Variants in PDE8B observed in about 807,000 individuals in gnomAD.
PDE8B encodes the protein high affinity cAMP-specific and IBMX-insensitive 3',5'-cyclic phosphodiesterase 8B.
Under a neutral mutation model 101.3 loss-of-function variants are expected in PDE8B, and 26 were observed. That is an observed-to-expected ratio of 0.26 (90% confidence interval 0.19 to 0.36). The LOEUF (loss-of-function observed/expected upper bound fraction) is 0.36, where lower values mean the gene tolerates loss of function less well. Among genes scored for constraint, PDE8B ranks in the 10% least tolerant of loss-of-function variants. PDE8B has a pLI of 1.00. For missense variants in PDE8B, 810 were observed against 1,163.1 expected, an observed-to-expected ratio of 0.70 and a Z score of 4.42; for synonymous variants, 424 against 429.3, an observed-to-expected ratio of 0.99 and a Z score of 0.15.
chr5:77,311,812 A>C (rs928404577), intron 1 of PDE8B, among the ~76,000 whole-genome samples, 182 bp from the exon 2 acceptor site: 2 of 142,224 alleles, frequency 1.4e-5, no homozygotes, highest in Non-Finnish European at 3.1e-5. Flanking sequence ...CTTTTTTTTT[A>C]ATACAAAAAC....
At chr5:77,350,925 C>T in intron 8 of PDE8B, 140 bp from the exon 9 acceptor site, 1 of 728,272 alleles carries the variant, frequency 1.4e-6, no homozygotes, top group Non-Finnish European at 2.5e-6. Flanking sequence ...CAGCATTGCA[C>T]TGGGTACAAC....
the PDE8B span, chr5:77,115,013 A>C: frequency 6.6e-6 from 1 of 152,194 alleles, no homozygotes; most frequent in Non-Finnish European, 1.5e-5. Context: ...AAAGAAAAAA[A>C]AAGAGTTGTT....
chr5:77,211,090 G>A lies in PDE8B; in HGVS notation c.165G>A (p.Pro55=), dbSNP rs1748222395. 1.3e-6 allele frequency: 2 copies of A among 1,495,006 alleles called. No homozygotes were observed. Among genetic ancestry groups the A allele is most frequent in the Non-Finnish European group, 8.9e-7 (1 of 1,129,246 alleles). The allele number at this position is 1,495,006 out of a possible 1,614,324, so 92.6% of individuals were successfully genotyped here. A position where few individuals can be genotyped will look rare whatever the true frequency, so the allele number is the denominator to read the frequency against. Residue 55 remains proline (P), a synonymous_variant, in exon 1 of 22, where the codon CCG becomes CCA. Coordinates refer to ENST00000264917, the MANE Select transcript of PDE8B (RefSeq NM_003719.5). This position sits in a 1 kb window ranked among gnomAD's most constrained non-coding sequence, Gnocchi z 4.1. ...CCGACGCCGCCGACGCCATCCCCCC[G>A]AGCCGCGCGTCGGGACCCCCCAGCG... is the stretch of plus-strand genomic sequence containing the variant. The part of the protein sequence containing the change: ...VQTDAADAIP[P]SRASGPPSVA...
chr5:77,317,203 T>C (rs1773947366), intron 2 of PDE8B, among the ~76,000 whole-genome samples: 1 of 152,232 alleles, frequency 6.6e-6, no homozygotes, highest in African/African-American at 2.4e-5. Context: ...TTATGCTTCT[T>C]CTACTAACAT....
At chr5:77,291,762 A>T in intron 1 of PDE8B, 1 of 1,582,568 alleles carries the variant, frequency 6.3e-7, no homozygotes, top group Non-Finnish European at 8.7e-7. Flanking sequence ...TATCAACTAC[A>T]GTAAAGACTT....
At chr5:77,145,271 CT>C in the PDE8B span, 1 of 152,126 alleles carries the variant, frequency 6.6e-6, no homozygotes, top group Non-Finnish European at 1.5e-5. Context: ...CACCTGGTTT[CT>C]TCTTGGTGCT....
At chr5:77,225,284 A>T (rs942377616) in intron 1 of PDE8B, among the ~76,000 whole-genome samples, 3 of 152,234 alleles carry the variant, frequency 2.0e-5, no homozygotes, top group Non-Finnish European at 4.4e-5. Context: ...GCATCCTCCA[A>T]AGGTAACCAG....
Position 77,386,865 on chromosome 5 carries a change from C to CTTTTT in PDE8B, c.1168-13358_1168-13354dup, listed in dbSNP as rs59393259. Among the ~76,000 whole-genome samples, 62 of 51,086 alleles carry CTTTTT rather than the reference C, an allele frequency of 1.2e-3. 8 individuals carry two copies. Among genetic ancestry groups the CTTTTT allele is most frequent in the African/African-American group, 2.6e-3 (28 of 10,756 alleles). 33.5% of individuals were successfully genotyped at this position (51,086 alleles called of 152,430 possible). A position where few individuals can be genotyped will look rare whatever the true frequency, so the allele number is the denominator to read the frequency against. On this transcript the variant is annotated intron_variant, in intron 10 of 21. Transcript: ENST00000264917. The stretch of plus-strand genomic sequence containing the variant: ...TTTTGCCTGTTAGTTGATGTAGTTT[C>CTTTTT]TTTTTTTTTTTTTTTTTTTTTTTTT...
At chr5:77,213,365 G>A (rs1263690765) in intron 1 of PDE8B, among the ~76,000 whole-genome samples, 1 of 136,170 alleles carries the variant, frequency 7.3e-6, no homozygotes, top group African/African-American at 2.7e-5. Flanking sequence ...TATATTTGAA[G>A]TGAAATTTGA....
intron 1 of PDE8B, among the ~76,000 whole-genome samples, chr5:77,253,482 T>A (rs1394081052): frequency 3.3e-5 from 5 of 152,230 alleles, no homozygotes; most frequent in Non-Finnish European, 7.4e-5. Flanking sequence ...TATTAACATT[T>A]GTATTCTGCT....
At chr5:77,370,513 C>A (rs574340116) in intron 10 of PDE8B, among the ~76,000 whole-genome samples, 1 of 152,166 alleles carries the variant, frequency 6.6e-6, no homozygotes, top group South Asian at 2.1e-4. Flanking sequence ...CTGCTGAGCA[C>A]TGTTCTATTG....
chr5:77,342,601 T>C (rs1457339896), intron 6 of PDE8B, among the ~76,000 whole-genome samples: 1 of 152,200 alleles, frequency 6.6e-6, no homozygotes, highest in East Asian at 1.9e-4. Flanking sequence ...TTTATTGGGA[T>C]TCTTTAAACA....
At chr5:77,291,355 A>G in intron 1 of PDE8B, 1 of 1,612,206 alleles carries the variant, frequency 6.2e-7, no homozygotes, top group Admixed American at 1.7e-5. Flanking sequence ...GCAAAGAAAG[A>G]AGGTAGCACA....
chr5:77,114,993 A>T, the PDE8B span: 2 of 152,098 alleles, frequency 1.3e-5, no homozygotes, highest in African/African-American at 4.8e-5. Context: ...AGTATATTTA[A>T]CAATTATATA....
At position 77,419,776 on chromosome 5, in the gene PDE8B, T is replaced by C. The variant is rs374692260; in HGVS notation, c.2139T>C (p.Tyr713=). The C allele has an allele frequency of 2.9e-5, 46 of 1,613,966 alleles. No homozygotes were observed. The highest frequency in any genetic ancestry group is 3.7e-5 in the Non-Finnish European group (44 of 1,179,956). The change falls in exon 19 of 22, where the codon TAT becomes TAC. Residue 713 remains tyrosine (Y), a synonymous_variant. Coordinates refer to ENST00000264917, the MANE Select transcript of PDE8B (RefSeq NM_003719.5). ...NIFKNIDRNH[Y]RTLRQAIIDM... ...CTTGTGGTTATTTTAGGAACCATTA[T>C]CGAACGCTGCGCCAGGCTATTATTG...
Position 77,223,161 on chromosome 5 carries a change from A to G in PDE8B, c.339+11897A>G, listed in dbSNP as rs142702205. 3.8e-4 allele frequency among the ~76,000 whole-genome samples: 58 copies of G among 152,334 alleles called. No homozygotes were observed. The East Asian group carries it at 9.6e-3, about 25-fold the overall frequency. ...TTTAGTACATGTTCACTTAACCAGT[A>G]TATTAAAAATATTATTTTGACATGT... On this transcript the variant is annotated intron_variant, in intron 1 of 21. Coordinates refer to ENST00000264917, the MANE Select transcript of PDE8B (RefSeq NM_003719.5).
At chr5:77,286,605 GTGT>G (rs1411003315) in intron 1 of PDE8B, among the ~76,000 whole-genome samples, 6 of 152,156 alleles carry the variant, frequency 3.9e-5, no homozygotes, top group South Asian at 2.1e-4. Context: ...TTGTTAAAGT[GTGT>G]TGTTGTTATC....
chr5:77,413,386 G>A, intron 17 of PDE8B, 77 bp downstream of exon 17: 1 of 1,298,870 alleles, frequency 7.7e-7, no homozygotes, highest in Non-Finnish European at 1.1e-6. Flanking sequence ...AATACATTAG[G>A]CAAACAGCTA....
chr5:77,247,740 C>T (rs1561410856), intron 1 of PDE8B, among the ~76,000 whole-genome samples: 2 of 152,126 alleles, frequency 1.3e-5, no homozygotes, highest in East Asian at 3.9e-4. Flanking sequence ...CCTTCCCCCT[C>T]CCTGAGGGCC....
Sources: allele counts gnomAD v4.1 joint callset (sites outside exome capture counted in the v4.1 genomes callset), GRCh38; gene constraint gnomAD v4.1.1; non-coding constraint Gnocchi (gnomAD v3.1); transcripts MANE v1.5; gene names NCBI Gene and HGNC (gene_info 2026-07-23, HGNC 2026-07-21).